Variants in B4GALT4 observed in about 807,000 individuals in gnomAD.
B4GALT4 encodes beta-1,4-galactosyltransferase 4, also known as N-acetyllactosamine synthase.
In B4GALT4, 27 loss-of-function variants were observed where a neutral mutation model predicts 37.3. That is an observed-to-expected ratio of 0.72 (90% confidence interval 0.53 to 1.00). The LOEUF (loss-of-function observed/expected upper bound fraction) is 1.00, where lower values mean the gene tolerates loss of function less well. Among genes scored for constraint, B4GALT4 ranks in the 50% least tolerant of loss-of-function variants. The probability of loss-of-function intolerance (pLI) is 0.00; values close to 1 mark genes in which losing one functional copy is unlikely to be tolerated. For synonymous variants in B4GALT4, 148 were observed against 154.1 expected, an observed-to-expected ratio of 0.96 and a Z score of 0.29; for missense variants, 372 against 413.1, an observed-to-expected ratio of 0.90 and a Z score of 0.86.
chr3:119,238,843 G>A (rs2079063880), intron 1 of B4GALT4, among the ~76,000 whole-genome samples: 1 of 152,088 alleles, frequency 6.6e-6, no homozygotes, highest in African/African-American at 2.4e-5. Context: ...AGTTACATAA[G>A]TTTGACAATT....
Position 119,230,084 on chromosome 3 carries a change from T to C in B4GALT4, c.16A>G (p.Thr6Ala). Residue 6 changes from threonine to alanine, a missense_variant, in exon 3 of 8, where the codon ACT becomes GCT. Coordinates refer to ENST00000393765, the MANE Select transcript of B4GALT4 (RefSeq NM_003778.4). MGFNL[T>A]FHLSYKFRLL... The stretch of plus-strand genomic sequence containing the variant: ...CGGAATTTGTAGGAAAGGTGGAAAG[T>C]CAGGTTGAAGCCCATGTTTTTTATT... 1.9e-6 allele frequency: 3 copies of C among 1,614,172 alleles called. No individual in the cohort carries two copies. The highest frequency in any genetic ancestry group is 2.5e-6 in the Non-Finnish European group (3 of 1,179,998).
At chr3:119,214,421 T>C (rs997105259) in intron 7 of B4GALT4, 2 of 152,234 alleles carry the variant, frequency 1.3e-5, no homozygotes, top group Non-Finnish European at 2.9e-5. Flanking sequence ...CCAGGATTCC[T>C]TGTGAATAGG....
chr3:119,234,720 C>T (rs545560037), intron 2 of B4GALT4, among the ~76,000 whole-genome samples: 30 of 152,300 alleles, frequency 2.0e-4, no homozygotes, highest in African/African-American at 6.7e-4. Context: ...TTAATTCTCA[C>T]AGGAGTCTCA....
chr3:119,217,377 T>A (rs982201433), intron 6 of B4GALT4, among the ~76,000 whole-genome samples: 1 of 152,198 alleles, frequency 6.6e-6, no homozygotes, highest in Non-Finnish European at 1.5e-5. Context: ...CGGCCATTTC[T>A]GTAGAGCCCC....
chr3:119,230,599 C>T (rs2078779859), intron 2 of B4GALT4, among the ~76,000 whole-genome samples: 1 of 152,182 alleles, frequency 6.6e-6, no homozygotes, highest in Non-Finnish European at 1.5e-5. Context: ...TTGCCCCTTC[C>T]TGGCACAGTT....
rs374513058 is a variant in B4GALT4, at chr3:119,216,197, G to C, written c.902+43C>G. On this transcript the variant is annotated intron_variant, in intron 7 of 7. Transcript: ENST00000393765. ...CAACATAGTCCTTATTGACAGAACA[G>C]ACTAGGGAGGTAGCCTGCTAGGCAG... 27 of 1,484,372 alleles carry C rather than the reference G, an allele frequency of 1.8e-5. No homozygotes were observed. Among genetic ancestry groups the C allele is most frequent in the Non-Finnish European group, 2.5e-5 (27 of 1,073,002 alleles). The allele number at this position is 1,484,372 out of a possible 1,614,324, so 92.0% of individuals were successfully genotyped here. A position where few individuals can be genotyped will look rare whatever the true frequency, so the allele number is the denominator to read the frequency against.
chr3:119,236,490 A>C (rs1359904420), intron 2 of B4GALT4, among the ~76,000 whole-genome samples: 1 of 152,244 alleles, frequency 6.6e-6, no homozygotes, highest in African/African-American at 2.4e-5. Context: ...AAAACTAAAA[A>C]TAAAGAGTCA....
chr3:119,229,325 A>C (rs1372491527), intron 3 of B4GALT4, among the ~76,000 whole-genome samples: 2 of 152,180 alleles, frequency 1.3e-5, no homozygotes, highest in Non-Finnish European at 2.9e-5. Context: ...GTGCTGCTAA[A>C]CTTTTGTGGC....
intron 2 of B4GALT4, 95 bp from the exon 3 acceptor site, chr3:119,230,339 A>C (rs1005757817): frequency 1.9e-6 from 1 of 538,200 alleles, no homozygotes; most frequent in Non-Finnish European, 3.3e-6. Context: ...TCCCCGATGG[A>C]CCTTGACTAA....
At chr3:119,239,613 G>T in intron 1 of B4GALT4, among the ~76,000 whole-genome samples, 1 of 152,166 alleles carries the variant, frequency 6.6e-6, no homozygotes. Context: ...CCACAGAGCT[G>T]ATTTTATTGC....
Position 119,229,915 on chromosome 3 carries a change from G to A in B4GALT4, c.185C>T (p.Thr62Ile). The A allele has an allele frequency of 6.2e-7, 1 of 1,614,154 alleles. No individual in the cohort carries two copies. Among genetic ancestry groups the A allele is most frequent in the Non-Finnish European group, 8.5e-7 (1 of 1,180,018 alleles). Residue 62 changes from threonine to isoleucine, a missense_variant, in exon 3 of 8, where the codon ACT becomes ATT. Transcript: ENST00000393765. ...HKTLILGKGK[T>I]LTNEASTKKV... Reference sequence around the variant, plus strand: ...CTTCGTGGATGCTTCATTAGTCAGAGTTTTTCCCTTCCCCAAAATGAGGGT... The same window carrying A: ...CTTCGTGGATGCTTCATTAGTCAGAATTTTTCCCTTCCCCAAAATGAGGGT...
chr3:119,238,710 G>A (rs2079059994), intron 1 of B4GALT4, among the ~76,000 whole-genome samples: 1 of 152,114 alleles, frequency 6.6e-6, no homozygotes, highest in South Asian at 2.1e-4. Context: ...CGTATATAGG[G>A]TTTGGCACTA....
At chr3:119,219,522 CAA>C (rs1169213727) in intron 5 of B4GALT4, among the ~76,000 whole-genome samples, 1 of 152,238 alleles carries the variant, frequency 6.6e-6, no homozygotes, top group Admixed American at 6.5e-5. Context: ...TCCAAGCTCA[CAA>C]GAGAGGAACG....
intron 4 of B4GALT4, among the ~76,000 whole-genome samples, chr3:119,226,011 A>T (rs2078606557): frequency 6.6e-6 from 1 of 152,228 alleles, no homozygotes; most frequent in Non-Finnish European, 1.5e-5. Context: ...CTGTTCTAAC[A>T]GTAGTGATGA....
At chr3:119,216,211 C>A in intron 7 of B4GALT4, 29 bp downstream of exon 7, 1 of 1,544,284 alleles carries the variant, frequency 6.5e-7, no homozygotes, top group African/African-American at 1.4e-5. Context: ...AGGGAGGTAG[C>A]CTGCTAGGCA....
chr3:119,220,985 C>CAAA (rs371366842), intron 5 of B4GALT4, among the ~76,000 whole-genome samples: 4 of 108,294 alleles, frequency 3.7e-5, no homozygotes, highest in Non-Finnish European at 3.8e-5. Flanking sequence ...GACTCTGTCT[C>CAAA]AAAAAAAAAA....
rs1188792044 is a variant in B4GALT4, at chr3:119,217,896, A to G, written c.797+754T>C. ...TCTTTTCCAAGAGGCAACAAGCAGG[A>G]GGGAAGGGGGCCTCCTGACACCCAG... On this transcript the variant is annotated intron_variant, in intron 6 of 7. Transcript: ENST00000393765. Among the ~76,000 whole-genome samples the G allele has an allele frequency of 2.0e-5, 3 of 150,262 alleles. No homozygotes were observed. The East Asian group carries it at 5.9e-4, about 30-fold the overall frequency.
chr3:119,229,427 T>G (rs1415337419), intron 3 of B4GALT4, among the ~76,000 whole-genome samples: 4 of 152,198 alleles, frequency 2.6e-5, no homozygotes, highest in Non-Finnish European at 5.9e-5. Context: ...TAAGAACAGA[T>G]CTCACAAAAG....
chr3:119,215,381 A>G (rs4501106), intron 7 of B4GALT4: 139,452 of 153,020 alleles, frequency 0.91, 63,900 homozygotes, highest in East Asian at 1. Context: ...TTTGCCAGGG[A>G]CTCTCGGGCC....
Sources: allele counts gnomAD v4.1 joint callset (sites outside exome capture counted in the v4.1 genomes callset), GRCh38; gene constraint gnomAD v4.1.1; transcripts MANE v1.5; gene names NCBI Gene and HGNC (gene_info 2026-07-23, HGNC 2026-07-21).